Variants in ACSM3 observed in about 807,000 individuals in gnomAD.
The protein encoded by ACSM3 is acyl-coenzyme A synthetase ACSM3, mitochondrial.
A neutral mutation model predicts 74.1 loss-of-function variants in ACSM3; 61 were observed. That is an observed-to-expected ratio of 0.82 (90% CI 0.67 to 1.02). The LOEUF (loss-of-function observed/expected upper bound fraction) is 1.02, where lower values mean the gene tolerates loss of function less well. Among genes scored for constraint, ACSM3 ranks in the 50% least tolerant of loss-of-function variants. The pLI, the probability that ACSM3 is intolerant of heterozygous loss-of-function variation, is 0.00. For synonymous variants in ACSM3, 213 were observed against 241.5 expected, an observed-to-expected ratio of 0.88 and a Z score of 1.09; for missense variants, 660 against 697.0, an observed-to-expected ratio of 0.95 and a Z score of 0.60.
At chr16:20,706,947 C>T (rs971795822) in intron 1 of ACSM3, among the ~76,000 whole-genome samples, 4 of 152,146 alleles carry the variant, frequency 2.6e-5, no homozygotes, top group Non-Finnish European at 4.4e-5. Context: ...GCCTCCAAAC[C>T]CTCTCAGCAG....
chr16:20,685,035 A>AG (rs2079521096), intron 1 of ACSM3, among the ~76,000 whole-genome samples: 1 of 152,264 alleles, frequency 6.6e-6, no homozygotes, highest in East Asian at 1.9e-4. Flanking sequence ...TAATTCCCAC[A>AG]GGGCAGGAAG....
chr16:20,776,078 T>C, intron 3 of ACSM3, 29 bp downstream of exon 3: 1 of 1,608,546 alleles, frequency 6.2e-7, no homozygotes, highest in South Asian at 1.1e-5. Context: ...CCGATCATAT[T>C]TATTACTAAG....
intron 1 of ACSM3, chr16:20,737,747 T>A: frequency 9.9e-6 from 16 of 1,613,684 alleles, no homozygotes; most frequent in Non-Finnish European, 1.4e-5. Context: ...TTCACATGAC[T>A]GTTATTTCGA....
intron 1 of ACSM3, chr16:20,703,857 T>G (rs926283660): frequency 6.6e-6 from 1 of 152,210 alleles, no homozygotes; most frequent in Non-Finnish European, 1.5e-5. Flanking sequence ...TTATTAATAT[T>G]AGGCCACACA....
chr16:20,775,778 T>C (rs2080247891), intron 2 of ACSM3, 61 bp from the exon 3 acceptor site: 3 of 1,540,186 alleles, frequency 1.9e-6, no homozygotes, highest in Non-Finnish European at 2.7e-6. Flanking sequence ...ATTGAGTCAG[T>C]TGGCCCAGAA....
chr16:20,702,447 C>T (rs1330983911), intron 1 of ACSM3, among the ~76,000 whole-genome samples: 3 of 152,184 alleles, frequency 2.0e-5, no homozygotes, highest in African/African-American at 4.8e-5. Context: ...CTCCTGACCT[C>T]GTGATCTGCC....
At chr16:20,780,666 C>T (rs2080331681) in intron 4 of ACSM3, 48 bp from the exon 5 acceptor site, 2 of 1,614,074 alleles carry the variant, frequency 1.2e-6, no homozygotes, top group Non-Finnish European at 1.7e-6. Context: ...TGGTAACAGT[C>T]TGTGATGCTG....
intron 1 of ACSM3, among the ~76,000 whole-genome samples, chr16:20,728,935 C>T (rs35518073): frequency 0.13 from 19,598 of 151,898 alleles, 1,341 homozygotes; most frequent in East Asian, 0.21. Context: ...AGTGAGACCC[C>T]GTCTCTACAA....
chr16:20,785,938 A>ATT lies in ACSM3; in HGVS notation c.1144-139_1144-138dup. On this transcript the variant is annotated intron_variant, in intron 8 of 13. Coordinates refer to ENST00000289416, the MANE Select transcript of ACSM3 (RefSeq NM_005622.4). ...GCATGTATTTATATGTTATCACTACATTCCATGAGAGTATAGCATTCATTT... is the reference window on the plus strand; with the variant it reads ...GCATGTATTTATATGTTATCACTACATTTTCCATGAGAGTATAGCATTCATTT... 9.8e-6 allele frequency: 5 copies of ATT among 510,660 alleles called. No homozygotes were observed. In the South Asian group the frequency reaches 1.8e-4, roughly 19 times the overall value. 31.6% of individuals were successfully genotyped at this position (510,660 alleles called of 1,614,324 possible). A position where few individuals can be genotyped will look rare whatever the true frequency, so the allele number is the denominator to read the frequency against.
chr16:20,765,067 G>T (rs910336948), intron 1 of ACSM3, among the ~76,000 whole-genome samples: 2 of 152,170 alleles, frequency 1.3e-5, no homozygotes, highest in Non-Finnish European at 2.9e-5. Context: ...GCTGTGGGGA[G>T]GCTAAAGCCC....
intron 1 of ACSM3, among the ~76,000 whole-genome samples, chr16:20,743,002 G>C (rs1429098567): frequency 6.8e-6 from 1 of 147,170 alleles, no homozygotes; most frequent in Non-Finnish European, 1.5e-5. Flanking sequence ...GTGCAGTGGT[G>C]CGATCTGGGC....
At chr16:20,768,855 T>G (rs1041467995) in intron 1 of ACSM3, among the ~76,000 whole-genome samples, 2 of 152,198 alleles carry the variant, frequency 1.3e-5, no homozygotes, top group Non-Finnish European at 2.9e-5. Context: ...AACCAGATGG[T>G]GTCAGAGGGC....
chr16:20,769,941 T>G, intron 1 of ACSM3, 43 bp from the exon 2 acceptor site: 1 of 1,316,156 alleles, frequency 7.6e-7, no homozygotes, highest in Non-Finnish European at 1.1e-6. Context: ...ATGGCTACCT[T>G]CAGGACAGAA....
upstream of ACSM3, among the ~76,000 whole-genome samples, chr16:20,763,073 C>A (rs1023391836): frequency 5.0e-5 from 5 of 100,620 alleles, no homozygotes; most frequent in Non-Finnish European, 1.3e-4. Context: ...CCAACAAATT[C>A]CTCTTTAAGT....
intron 1 of ACSM3, among the ~76,000 whole-genome samples, chr16:20,742,813 A>ATATATATATATT (rs61582869): frequency 0.013 from 855 of 66,652 alleles, 3 homozygotes; most frequent in South Asian, 0.025. Context: ...ATATATATAT[A>ATATATATATATT]TTTTTTTTTT....
chr16:20,726,443 C>A (rs963416322), intron 1 of ACSM3, among the ~76,000 whole-genome samples: 2 of 152,198 alleles, frequency 1.3e-5, no homozygotes, highest in Admixed American at 6.5e-5. Flanking sequence ...AAATACAAAT[C>A]TTCTCTTTCC....
In ACSM3 at chr16:20,732,121, A is replaced by G. The variant is rs535717848; in HGVS notation, c.-189-17789A>G. Among the ~76,000 whole-genome samples the G allele has an allele frequency of 1.8e-4, 27 of 152,250 alleles. No individual in the cohort carries two copies. In the East Asian group the frequency reaches 4.8e-3, roughly 27 times the overall value. ...AGAACATACCTGTATGTATCAAGGG[A>G]CCCCATTAATATTCAGAAAGAATAC... On this transcript the variant is annotated intron_variant, in intron 1 of 3. Coordinates refer to the ACSM3 transcript ENST00000561584.
intron 1 of ACSM3, among the ~76,000 whole-genome samples, chr16:20,723,636 G>A (rs1358491960): frequency 6.6e-6 from 1 of 152,162 alleles, no homozygotes; most frequent in Non-Finnish European, 1.5e-5. Context: ...GATGGCCAGT[G>A]ATGATGAGCA....
At chr16:20,737,893 C>T (rs2152417923) in intron 1 of ACSM3, 2 of 1,613,456 alleles carry the variant, frequency 1.2e-6, no homozygotes, top group Non-Finnish European at 1.7e-6. Context: ...CAAAATAACT[C>T]GAGTCTTCTT....
Sources: allele counts gnomAD v4.1 joint callset (sites outside exome capture counted in the v4.1 genomes callset), GRCh38; gene constraint gnomAD v4.1.1; transcripts MANE v1.5; gene names NCBI Gene and HGNC (gene_info 2026-07-23, HGNC 2026-07-21).